The following PABPC4L variants were observed in gnomAD, a reference collection of about 807,000 sequenced individuals.
PABPC4L encodes the protein polyadenylate-binding protein 4-like.
For synonymous variants in PABPC4L, 169 were observed against 164.1 expected, an observed-to-expected ratio of 1.03 and a Z score of -0.23; for missense variants, 452 against 451.4, an observed-to-expected ratio of 1.00 and a Z score of -0.01.
chr4:133,983,172 C>T, the PABPC4L span, among the ~76,000 whole-genome samples: 1 of 151,984 alleles, frequency 6.6e-6, no homozygotes. Flanking sequence ...TTAGTTCTTA[C>T]AGTGTCAAAT....
At chr4:134,043,615 AAAGTATTACAGCCAG>A in the PABPC4L span, among the ~76,000 whole-genome samples, 1 of 152,160 alleles carries the variant, frequency 6.6e-6, no homozygotes, top group Non-Finnish European at 1.5e-5. Context: ...TCAGCAGTCA[AAAGTATTACAGCCAG>A]AAAATACTGG....
At chr4:134,061,527 A>G in the PABPC4L span, among the ~76,000 whole-genome samples, 1 of 151,900 alleles carries the variant, frequency 6.6e-6, no homozygotes, top group Non-Finnish European at 1.5e-5. Context: ...GTCTGAGAAG[A>G]ATAAAGAGGG....
chr4:134,116,123 C>T, the PABPC4L span, among the ~76,000 whole-genome samples: 1 of 151,832 alleles, frequency 6.6e-6, no homozygotes, highest in East Asian at 1.9e-4. Context: ...AATTAATAGG[C>T]AGAAGCTGCA....
At chr4:134,153,075 C>T in the PABPC4L span, among the ~76,000 whole-genome samples, 4 of 152,168 alleles carry the variant, frequency 2.6e-5, no homozygotes, top group Non-Finnish European at 5.9e-5. Context: ...AAACACTTTC[C>T]ATGAGGCTCC....
At chr4:134,169,364 C>T in the PABPC4L span, among the ~76,000 whole-genome samples, 1 of 151,968 alleles carries the variant, frequency 6.6e-6, no homozygotes, top group African/African-American at 2.4e-5. Context: ...AACTGAAAGC[C>T]TTTCCTCTAA....
At chr4:134,049,147 A>C in the PABPC4L span, among the ~76,000 whole-genome samples, 1 of 152,086 alleles carries the variant, frequency 6.6e-6, no homozygotes, top group Non-Finnish European at 1.5e-5. Flanking sequence ...CAAGATACTT[A>C]TTAATGCTTT....
chr4:134,200,041 C>T lies in PABPC4L; in HGVS notation c.979G>A (p.Glu327Lys), dbSNP rs1729796532. ...CCAAACCCTTTGCTCTGCCCCTCTT[C>T]CTGCATTACCTTAACTCTGCTAATT... is the stretch of plus-strand genomic sequence containing the variant. ...GSISRVKVMQ[E>K]EGQSKGFGLI... Residue 327 changes from glutamate (E) to lysine (K), a missense_variant, in exon 2 of 2, where the codon GAA (glutamate) becomes AAA (lysine). By Grantham distance (56) the Glu-to-Lys change is moderately conservative (BLOSUM62 1). Transcript: ENST00000421491. 2 of 1,551,686 alleles carry T rather than the reference C, an allele frequency of 1.3e-6. No homozygotes were observed. Among genetic ancestry groups the T allele is most frequent in the Non-Finnish European group, 1.7e-6 (2 of 1,146,978 alleles).
the PABPC4L span, among the ~76,000 whole-genome samples, chr4:134,174,948 T>C: frequency 6.6e-6 from 1 of 152,160 alleles, no homozygotes; most frequent in Non-Finnish European, 1.5e-5. Context: ...CCTACGTCTG[T>C]CCTTTAAGTA....
the PABPC4L span, among the ~76,000 whole-genome samples, chr4:134,116,178 C>A: frequency 6.6e-6 from 1 of 151,730 alleles, no homozygotes; most frequent in African/African-American, 2.4e-5. Flanking sequence ...CATGGCATGA[C>A]CTCCATTATC....
the PABPC4L span, among the ~76,000 whole-genome samples, chr4:134,098,470 ACAT>A: frequency 1.3e-5 from 2 of 151,616 alleles, no homozygotes. Flanking sequence ...GATGGGGAAG[ACAT>A]CATCAATATT....
chr4:134,157,839 C>T, the PABPC4L span, among the ~76,000 whole-genome samples: 1 of 151,646 alleles, frequency 6.6e-6, no homozygotes, highest in African/African-American at 2.4e-5. Context: ...AATTTTCTTT[C>T]TACTGGTGAT....
At chr4:134,010,687 T>C in the PABPC4L span, 1 of 152,160 alleles carries the variant, frequency 6.6e-6, no homozygotes, top group South Asian at 2.1e-4. Flanking sequence ...TTGGCAATGA[T>C]AGCCTATGAC....
chr4:134,071,287 T>C, the PABPC4L span, among the ~76,000 whole-genome samples: 5 of 152,034 alleles, frequency 3.3e-5, 1 homozygote, highest in Non-Finnish European at 7.4e-5. Context: ...CTGTCCACTC[T>C]CAGTGCCTTC....
the PABPC4L span, among the ~76,000 whole-genome samples, chr4:134,154,206 A>G: frequency 6.6e-6 from 1 of 152,156 alleles, no homozygotes; most frequent in Non-Finnish European, 1.5e-5. Flanking sequence ...CTCTACTTCA[A>G]TCTTACCTAT....
At chr4:134,143,040 A>C in the PABPC4L span, among the ~76,000 whole-genome samples, 1 of 151,494 alleles carries the variant, frequency 6.6e-6, no homozygotes, top group Admixed American at 6.6e-5. Context: ...ACATGGCAGT[A>C]AGGGAATCTT....
the PABPC4L span, among the ~76,000 whole-genome samples, chr4:134,090,367 A>G: frequency 6.6e-6 from 1 of 152,086 alleles, no homozygotes; most frequent in Non-Finnish European, 1.5e-5. Flanking sequence ...TTAAACATTT[A>G]GATTCCTGAT....
the PABPC4L span, among the ~76,000 whole-genome samples, chr4:133,991,278 G>A: frequency 6.6e-6 from 1 of 152,130 alleles, no homozygotes; most frequent in Non-Finnish European, 1.5e-5. Flanking sequence ...AGGGATTCTA[G>A]AATTTTAGTC....
the PABPC4L span, among the ~76,000 whole-genome samples, chr4:133,986,536 G>A: frequency 4.6e-5 from 7 of 152,038 alleles, no homozygotes; most frequent in African/African-American, 7.2e-5. Flanking sequence ...TGTCTACAAT[G>A]TCAATGATCT....
the PABPC4L span, among the ~76,000 whole-genome samples, chr4:134,172,927 GACAA>G: frequency 6.6e-6 from 1 of 151,656 alleles, no homozygotes; most frequent in South Asian, 2.1e-4. Context: ...CTTAAAAGAA[GACAA>G]ACAAATGACC....
Sources: allele counts gnomAD v4.1 joint callset (sites outside exome capture counted in the v4.1 genomes callset), GRCh38; gene constraint gnomAD v4.1.1; transcripts MANE v1.5; gene names NCBI Gene and HGNC (gene_info 2026-07-23, HGNC 2026-07-21).